Variants in ANOS1 observed in about 807,000 individuals in gnomAD.
ANOS1 encodes anosmin-1.
Under a neutral mutation model 59.0 loss-of-function variants are expected in ANOS1, and 6 were observed. The ratio of observed to expected loss-of-function variants is 0.10; its 90% CI spans 0.06 to 0.20. The LOEUF is 0.20. Among genes scored for constraint, ANOS1 ranks in the 10% least tolerant of loss-of-function variants. The pLI is 1.00. For synonymous variants in ANOS1, 217 were observed against 223.4 expected (o/e 0.97, Z 0.25); for missense variants, 433 against 542.3 (o/e 0.80, Z 2.00).
intron 2 of ANOS1, among the ~76,000 whole-genome samples, chrX:8,624,160 C>T (rs184649862): frequency 1.9e-5 from 2 of 107,738 alleles, no homozygotes; most frequent in South Asian, 4.2e-4. Context: ...GGATTACAGG[C>T]GCCTGCCACC....
At chrX:8,681,798 G>T (rs1295922073) in intron 2 of ANOS1, among the ~76,000 whole-genome samples, 1 of 112,254 alleles carries the variant, frequency 8.9e-6, no homozygotes, top group South Asian at 3.7e-4. Flanking sequence ...ATTCATTTAT[G>T]TGACAATTCT....
chrX:8,673,707 C>T (rs1378159234), intron 2 of ANOS1, among the ~76,000 whole-genome samples: 1 of 111,257 alleles, frequency 9.0e-6, no homozygotes, highest in Non-Finnish European at 1.9e-5. Context: ...TGCCTCGAAA[C>T]GTTAACTCAA....
intron 2 of ANOS1, among the ~76,000 whole-genome samples, chrX:8,657,127 G>A (rs564415392): frequency 8.9e-5 from 10 of 112,592 alleles, no homozygotes; most frequent in South Asian, 3.7e-4. Flanking sequence ...TCATGCCTAC[G>A]GCATGAAGCC....
At chrX:8,713,620 C>CT (rs1252353168) in intron 1 of ANOS1, among the ~76,000 whole-genome samples, 54 of 103,235 alleles carry the variant, frequency 5.2e-4, no homozygotes, top group Non-Finnish European at 7.4e-4. Flanking sequence ...TTCTTTCTTT[C>CT]TTTTTTTTTT....
intron 10 of ANOS1, 69 bp from the exon 11 acceptor site, chrX:8,537,011 T>G: frequency 1.1e-6 from 1 of 918,804 alleles, no homozygotes; most frequent in Non-Finnish European, 1.6e-6. Context: ...CTGGCAAGAA[T>G]TGAAATCATA....
Position 8,554,078 on chromosome X carries a change from T to C in ANOS1, c.1228A>G (p.Arg410Gly), listed in dbSNP as rs774646903. ...AGTTGTGTTTGAATTCCACCTTTTC[T>C]AGTTTTCACAAGCTGTTCTTCTACA... The part of the protein sequence containing the change: ...TNNKEQLVKT[R>G]KGGIQTQLPF... Residue 410 changes from arginine (R) to glycine (G), a missense_variant, in exon 9 of 14, where the codon AGA becomes GGA. Coordinates refer to ENST00000262648, the MANE Select transcript of ANOS1 (RefSeq NM_000216.4). 3 of 1,204,000 alleles carry C rather than the reference T, an allele frequency of 2.5e-6. No homozygotes were observed. The highest frequency in any genetic ancestry group is 3.4e-6 in the Non-Finnish European group (3 of 888,343).
At chrX:8,564,967 A>G (rs1320631345) in intron 8 of ANOS1, among the ~76,000 whole-genome samples, 3 of 111,716 alleles carry the variant, frequency 2.7e-5, no homozygotes, top group Non-Finnish European at 5.6e-5. Context: ...ATTAAAGAAT[A>G]TCTCCCTGAG....
At chrX:8,637,342 C>T (rs1284976865) in intron 2 of ANOS1, among the ~76,000 whole-genome samples, 3 of 112,220 alleles carry the variant, frequency 2.7e-5, no homozygotes, top group African/African-American at 6.5e-5. Context: ...ATGTCTCTTC[C>T]TCTTGTTGTT....
intron 2 of ANOS1, among the ~76,000 whole-genome samples, chrX:8,668,085 T>C (rs1029718366): frequency 2.3e-4 from 25 of 109,189 alleles, no homozygotes; most frequent in Non-Finnish European, 4.2e-4. Context: ...TTTGGTTACA[T>C]GAGTAAGTTC....
intron 2 of ANOS1, among the ~76,000 whole-genome samples, chrX:8,664,309 G>A (rs1330735041): frequency 1.8e-5 from 2 of 111,207 alleles, no homozygotes; most frequent in Non-Finnish European, 3.8e-5. Context: ...TCCTGCCTCA[G>A]CCTCCCGAGT....
intron 3 of ANOS1, among the ~76,000 whole-genome samples, chrX:8,611,293 G>A (rs1239692627): frequency 2.0e-5 from 2 of 98,109 alleles, no homozygotes; most frequent in Non-Finnish European, 4.1e-5. Context: ...TTAAAATGAA[G>A]CAGAGGGTGG....
intron 2 of ANOS1, among the ~76,000 whole-genome samples, chrX:8,695,182 G>A (rs1932665802): frequency 9.0e-6 from 1 of 111,532 alleles, no homozygotes; most frequent in Non-Finnish European, 1.9e-5. Flanking sequence ...CATGGTGGCA[G>A]GTGCCTGTAA....
Position 8,580,407 on chromosome X carries a change from T to G in ANOS1, c.856+4860A>C, listed in dbSNP as rs763403945. Among the ~76,000 whole-genome samples, 8 of 112,042 alleles carry G rather than the reference T, an allele frequency of 7.1e-5. No homozygotes were observed. The East Asian group carries it at 2.0e-3, about 28-fold the overall frequency. ...TTTGCCCATCCTATATTTATGCATTTTTTCTGGGAGGGGTAAGAGTTAGCA... is the reference window on the plus strand; with the variant it reads ...TTTGCCCATCCTATATTTATGCATTGTTTCTGGGAGGGGTAAGAGTTAGCA... On this transcript the variant is annotated intron_variant, in intron 6 of 13. Transcript: ENST00000262648.
intron 8 of ANOS1, among the ~76,000 whole-genome samples, chrX:8,566,983 C>T (rs1160892115): frequency 4.5e-5 from 5 of 111,472 alleles, no homozygotes; most frequent in Admixed American, 2.9e-4. Context: ...GCTATGATGA[C>T]GGGGTCCTGC....
rs774940627 is a variant in ANOS1, at chrX:8,585,278, C to G, written c.845G>C (p.Arg282Pro). 8.3e-7 allele frequency: 1 copy of G among 1,210,601 alleles called. No homozygotes were observed. Among genetic ancestry groups the G allele is most frequent in the Non-Finnish European group, 1.1e-6 (1 of 894,762 alleles). The change falls in exon 6 of 14, where the codon CGT (arginine) becomes CCT (proline). Residue 282 changes from arginine (R) to proline (P), a missense_variant. Transcript: ENST00000262648. ...RGFTAPSKHF[R>P]SSKDPSAPPA... The stretch of plus-strand genomic sequence containing the variant: ...AAAGGAAGACTGACCTTTGGAAGAA[C>G]GGAAGTGTTTGCTGGGGGCAGTGAA...
chrX:8,692,515 G>A (rs754073735), intron 2 of ANOS1, among the ~76,000 whole-genome samples: 1 of 111,019 alleles, frequency 9.0e-6, no homozygotes, highest in Non-Finnish European at 1.9e-5. Context: ...ACAGAAGCAG[G>A]AAAGTCTCTC....
At chrX:8,684,896 C>T (rs181530147) in intron 2 of ANOS1, among the ~76,000 whole-genome samples, 36 of 110,407 alleles carry the variant, frequency 3.3e-4, no homozygotes, top group African/African-American at 1.1e-3. Flanking sequence ...AGGAAGATCT[C>T]GGGAACTCGC....
At chrX:8,613,408 A>T (rs1931101787) in intron 3 of ANOS1, among the ~76,000 whole-genome samples, 1 of 109,021 alleles carries the variant, frequency 9.2e-6, no homozygotes, top group South Asian at 4.0e-4. Context: ...TTATTTTTCG[A>T]GGAGATGGGG....
chrX:8,600,792 ACTTT>A (rs911044009), intron 3 of ANOS1, among the ~76,000 whole-genome samples: 3 of 112,543 alleles, frequency 2.7e-5, no homozygotes, highest in African/African-American at 9.7e-5. Context: ...GTATTTGCCA[ACTTT>A]CTTCTTTCAA....
Sources: allele counts gnomAD v4.1 joint callset (sites outside exome capture counted in the v4.1 genomes callset), GRCh38; gene constraint gnomAD v4.1.1; transcripts MANE v1.5; gene names NCBI Gene and HGNC (gene_info 2026-07-23, HGNC 2026-07-21).